Variants in WDR27 observed in about 807,000 individuals in gnomAD.
The protein encoded by WDR27 is WD repeat domain 27.
In WDR27, 100 loss-of-function variants were observed where a neutral mutation model predicts 114.4. The ratio of observed to expected loss-of-function variants is 0.87; its 90% CI spans 0.74 to 1.03. WDR27 has a LOEUF of 1.03. Among genes scored for constraint, WDR27 ranks in the 50% least tolerant of loss-of-function variants. The probability of loss-of-function intolerance (pLI) is 0.00; values close to 1 mark genes in which losing one functional copy is unlikely to be tolerated. For missense variants in WDR27, 1,129 were observed against 1,092.9 expected (o/e 1.03, Z -0.47); for synonymous variants, 449 against 423.1 (o/e 1.06, Z -0.75).
At chr6:169,648,141 CAT>C (rs1295194951) in intron 15 of WDR27, among the ~76,000 whole-genome samples, 7 of 152,134 alleles carry the variant, frequency 4.6e-5, no homozygotes, top group African/African-American at 1.4e-4. Flanking sequence ...CATATAAACT[CAT>C]GTGAGTACTG....
chr6:169,478,469 C>T (rs982223925), intron 25 of WDR27, among the ~76,000 whole-genome samples: 3 of 151,750 alleles, frequency 2.0e-5, no homozygotes, highest in African/African-American at 7.3e-5. Context: ...CAGGTTAAGT[C>T]GGGTGTACAT....
chr6:169,507,531 A>C (rs980226804), intron 25 of WDR27, among the ~76,000 whole-genome samples: 1 of 152,162 alleles, frequency 6.6e-6, no homozygotes, highest in Non-Finnish European at 1.5e-5. Flanking sequence ...CATGGTTGAC[A>C]GGTTGGAGCT....
intron 23 of WDR27, among the ~76,000 whole-genome samples, chr6:169,589,463 T>G (rs1179712427): frequency 6.6e-6 from 1 of 152,146 alleles, no homozygotes; most frequent in Non-Finnish European, 1.5e-5. Context: ...TGGCTCCCAT[T>G]TGCATGAAAC....
chr6:169,534,525 G>A (rs1562545168), intron 25 of WDR27, among the ~76,000 whole-genome samples: 3 of 152,078 alleles, frequency 2.0e-5, no homozygotes, highest in Non-Finnish European at 4.4e-5. Context: ...GCTTTTCTTT[G>A]TGGGAAGTTT....
intron 25 of WDR27, among the ~76,000 whole-genome samples, chr6:169,484,382 C>A (rs1026704432): frequency 6.6e-6 from 1 of 152,086 alleles, no homozygotes; most frequent in Non-Finnish European, 1.5e-5. Context: ...ACACCAACAG[C>A]CAAACCAAGA....
intron 25 of WDR27, among the ~76,000 whole-genome samples, chr6:169,512,545 G>T (rs1204753327): frequency 2.0e-5 from 3 of 152,144 alleles, no homozygotes; most frequent in Admixed American, 6.5e-5. Context: ...TCTAAGATTA[G>T]CAAAGCAAGA....
intron 4 of WDR27, chr6:169,669,846 T>A (rs1778219129): frequency 6.6e-6 from 1 of 152,188 alleles, no homozygotes; most frequent in Non-Finnish European, 1.5e-5. Flanking sequence ...CCAAAACGCC[T>A]ATTACACATG....
At position 169,619,204 on chromosome 6, in the gene WDR27, C is replaced by A. The variant is rs187659039; in HGVS notation, c.2224-5548G>T. On this transcript the variant is annotated intron_variant, in intron 21 of 25. Transcript: ENST00000448612. The stretch of plus-strand genomic sequence containing the variant: ...AGACACTAAACCTCTTAACAAAAAG[C>A]TAAGATTTTAAAAGAGAGGAACTCT... Among the ~76,000 whole-genome samples, 687 of 152,220 alleles carry A rather than the reference C, an allele frequency of 4.5e-3. 3 individuals are homozygous for A. Among genetic ancestry groups the A allele is most frequent in the African/African-American group, 0.015 (633 of 41,516 alleles).
At chr6:169,542,839 T>C (rs949749859) in intron 25 of WDR27, among the ~76,000 whole-genome samples, 2 of 152,106 alleles carry the variant, frequency 1.3e-5, no homozygotes, top group African/African-American at 4.8e-5. Flanking sequence ...TCTTAAATTT[T>C]CCAGTAGCCA....
chr6:169,577,154 C>A (rs1002836839), intron 24 of WDR27, among the ~76,000 whole-genome samples: 2 of 152,012 alleles, frequency 1.3e-5, no homozygotes, highest in Admixed American at 6.5e-5. Context: ...GAGACCCCTG[C>A]GCCCACGGAA....
At chr6:169,560,534 G>A (rs892320385) in intron 25 of WDR27, among the ~76,000 whole-genome samples, 1 of 152,214 alleles carries the variant, frequency 6.6e-6, no homozygotes, top group African/African-American at 2.4e-5. Context: ...CTGACGGGAA[G>A]GCACCAAGGT....
intron 2 of WDR27, among the ~76,000 whole-genome samples, chr6:169,681,271 GAGTA>G (rs1781455797): frequency 6.6e-6 from 1 of 152,182 alleles, no homozygotes; most frequent in Admixed American, 6.5e-5. Flanking sequence ...CAGACAAAAT[GAGTA>G]AGTATCGGAC....
At chr6:169,537,360 C>T (rs1287761921) in intron 25 of WDR27, among the ~76,000 whole-genome samples, 1 of 152,094 alleles carries the variant, frequency 6.6e-6, no homozygotes, top group African/African-American at 2.4e-5. Flanking sequence ...AAGAGGGCTG[C>T]TTTAAATTGG....
At chr6:169,578,126 C>T (rs1344459511) in intron 24 of WDR27, among the ~76,000 whole-genome samples, 2 of 152,226 alleles carry the variant, frequency 1.3e-5, no homozygotes, top group African/African-American at 4.8e-5. Flanking sequence ...GACCCTGGAG[C>T]ATGCTTAGTG....
chr6:169,629,110 C>T (rs556772066), intron 21 of WDR27, among the ~76,000 whole-genome samples: 3 of 152,202 alleles, frequency 2.0e-5, no homozygotes, highest in South Asian at 4.1e-4. Context: ...CAAAATCACA[C>T]CAAATAGCAT....
chr6:169,622,595 A>G (rs1476367855), intron 21 of WDR27, among the ~76,000 whole-genome samples: 3 of 152,262 alleles, frequency 2.0e-5, no homozygotes, highest in Non-Finnish European at 4.4e-5. Flanking sequence ...ATCTCCACAA[A>G]GAGATGAAGA....
chr6:169,605,235 C>T (rs943472779), intron 22 of WDR27, among the ~76,000 whole-genome samples: 6 of 148,546 alleles, frequency 4.0e-5, no homozygotes, highest in African/African-American at 1.5e-4. Flanking sequence ...CCATCAAAAA[C>T]ACTCTTAGAT....
rs184537457 is a variant in WDR27, at chr6:169,480,364, G to A, written c.2646-22730C>T. On this transcript the variant is annotated intron_variant, in intron 25 of 25. Coordinates refer to ENST00000448612, the MANE Select transcript of WDR27 (RefSeq NM_182552.5). ...CCCACGTGGCCCGAGCCTCCCTGAC[G>A]GGCACCACCCCCTGCTCTGCAGCAC... Among the ~76,000 whole-genome samples, 174 of 152,258 alleles carry A rather than the reference G, an allele frequency of 1.1e-3. No homozygotes were observed. The Middle Eastern group carries it at 0.02, about 18-fold the overall frequency.
At chr6:169,540,806 C>T (rs1019330155) in intron 25 of WDR27, among the ~76,000 whole-genome samples, 2 of 152,114 alleles carry the variant, frequency 1.3e-5, no homozygotes, top group Non-Finnish European at 2.9e-5. Flanking sequence ...CTGGTATTTT[C>T]TAACCCTGAG....
Sources: gnomAD v4.1 joint callset for allele counts (sites outside exome capture counted in the v4.1 genomes callset) on GRCh38, gnomAD v4.1.1 for gene constraint, MANE v1.5 for transcripts, NCBI Gene and HGNC (gene_info 2026-07-23, HGNC 2026-07-21) for gene names.